The following FDFT1 variants were observed in gnomAD, a reference collection of about 807,000 sequenced individuals.
The protein encoded by FDFT1 is squalene synthase.
In FDFT1, 68 loss-of-function variants were observed where a neutral mutation model predicts 46.8. The observed-to-expected ratio is 1.45, with a 90% CI of 1.19 to 1.78. FDFT1 has a LOEUF of 1.78. FDFT1 is among the 40% of genes most tolerant of loss of function. The probability of loss-of-function intolerance (pLI) is 0.00; values close to 1 mark genes in which losing one functional copy is unlikely to be tolerated. For synonymous variants in FDFT1, 351 were observed against 185.1 expected (o/e 1.90, Z -7.28); for missense variants, 928 against 524.4 (o/e 1.77, Z -7.52).
upstream of FDFT1, among the ~76,000 whole-genome samples, chr8:11,800,769 A>G (rs550552715): frequency 6.6e-6 from 1 of 152,202 alleles, no homozygotes; most frequent in Non-Finnish European, 1.5e-5. Flanking sequence ...CTTCTAAGAG[A>G]AGTTACTATT....
At chr8:11,835,546 C>CT (rs1433214324) in intron 7 of FDFT1, among the ~76,000 whole-genome samples, 1 of 152,148 alleles carries the variant, frequency 6.6e-6, no homozygotes, top group African/African-American at 2.4e-5. Flanking sequence ...TTGAAGTGCT[C>CT]TTGGAGTTCT....
intron 7 of FDFT1, among the ~76,000 whole-genome samples, chr8:11,833,187 ACT>A (rs1811085969): frequency 6.6e-6 from 1 of 151,822 alleles, no homozygotes; most frequent in African/African-American, 2.4e-5. Context: ...TACCAATGAG[ACT>A]CTCCATTTTG....
At position 11,796,380 on chromosome 8, in the gene FDFT1, CAA is replaced by C. The variant is rs1363776213; in HGVS notation, c.-94+370_-94+371del. Among the ~76,000 whole-genome samples, 7 of 152,228 alleles carry C rather than the reference CAA, an allele frequency of 4.6e-5. No individual in the cohort carries two copies. In the East Asian group the frequency reaches 1.2e-3, roughly 25 times the overall value. On this transcript the variant is annotated intron_variant, in intron 1 of 7. Coordinates refer to the FDFT1 transcript ENST00000538689. ...GGCCACTGTGAGGTGGCGAAACAGA[CAA>C]GAGATTATTAGAATACAGAAAGTTC...
upstream of FDFT1, among the ~76,000 whole-genome samples, chr8:11,797,251 C>T (rs997452555): frequency 6.6e-6 from 1 of 152,244 alleles, no homozygotes; most frequent in East Asian, 1.9e-4. Flanking sequence ...ATTTTGAGTT[C>T]CTTGGACTGC....
At chr8:11,800,991 T>A (rs1806061507), upstream of FDFT1, among the ~76,000 whole-genome samples, 1 of 152,102 alleles carries the variant, frequency 6.6e-6, no homozygotes, top group Non-Finnish European at 1.5e-5. Context: ...AAGTAAATGA[T>A]GTATTAGAAT....
At chr8:11,799,174 A>G (rs1210226548), upstream of FDFT1, among the ~76,000 whole-genome samples, 1 of 152,222 alleles carries the variant, frequency 6.6e-6, no homozygotes, top group African/African-American at 2.4e-5. Flanking sequence ...TCTTTTTAGG[A>G]CAGGAAGGCG....
chr8:11,825,246 T>G (rs889578692), intron 4 of FDFT1, among the ~76,000 whole-genome samples: 2 of 152,104 alleles, frequency 1.3e-5, no homozygotes, highest in Non-Finnish European at 2.9e-5. Flanking sequence ...ATCAAAAAGT[T>G]TATTGTAAAG....
At chr8:11,813,529 C>G (rs545808108) in intron 3 of FDFT1, among the ~76,000 whole-genome samples, 4 of 152,264 alleles carry the variant, frequency 2.6e-5, no homozygotes, top group African/African-American at 9.6e-5. Flanking sequence ...CCTAGGATTA[C>G]CCGTGAAGTT....
intron 3 of FDFT1, among the ~76,000 whole-genome samples, chr8:11,815,869 G>C (rs1474351281): frequency 6.6e-6 from 1 of 152,064 alleles, no homozygotes; most frequent in Admixed American, 6.6e-5. Context: ...CTCTTTAGTT[G>C]AATTAGATCC....
chr8:11,838,011 C>G (rs1040250530), intron 7 of FDFT1, among the ~76,000 whole-genome samples: 5 of 152,178 alleles, frequency 3.3e-5, no homozygotes, highest in Admixed American at 6.5e-5. Context: ...CCCAGTCTTT[C>G]CAGCATTTCC....
At chr8:11,811,060 GAGA>G (rs1807650212) in intron 3 of FDFT1, among the ~76,000 whole-genome samples, 1 of 151,820 alleles carries the variant, frequency 6.6e-6, no homozygotes, top group South Asian at 2.1e-4. Flanking sequence ...TAATACAAAT[GAGA>G]AGAAAATAGC....
At chr8:11,806,758 C>G (rs1490695575) in intron 1 of FDFT1, among the ~76,000 whole-genome samples, 2 of 152,088 alleles carry the variant, frequency 1.3e-5, no homozygotes, top group African/African-American at 4.8e-5. Flanking sequence ...CTGTTTCTTT[C>G]ACTCTGAAAT....
upstream of FDFT1, among the ~76,000 whole-genome samples, chr8:11,797,522 C>G (rs556927851): frequency 4.9e-5 from 2 of 40,924 alleles, no homozygotes; most frequent in Non-Finnish European, 5.5e-5. Context: ...ATGTTTGTTG[C>G]ATTTAAAGAA....
upstream of FDFT1, chr8:11,802,657 T>C: frequency 3.3e-6 from 2 of 609,894 alleles, no homozygotes; most frequent in East Asian, 5.6e-5. Context: ...CTAGCCCCGC[T>C]GGCGGCCGAG....
chr8:11,805,332 A>T (rs567358133), intron 1 of FDFT1, among the ~76,000 whole-genome samples: 17 of 152,344 alleles, frequency 1.1e-4, no homozygotes, highest in African/African-American at 3.8e-4. Context: ...CTTGATTTAC[A>T]CTGAATTTTT....
chr8:11,836,042 A>G (rs1281673371), intron 7 of FDFT1, among the ~76,000 whole-genome samples: 1 of 148,222 alleles, frequency 6.7e-6, no homozygotes, highest in African/African-American at 2.5e-5. Context: ...AATCCCACCT[A>G]CTTGGGAGGC....
chr8:11,833,454 G>A (rs1811135073), intron 7 of FDFT1, among the ~76,000 whole-genome samples: 1 of 152,194 alleles, frequency 6.6e-6, no homozygotes, highest in African/African-American at 2.4e-5. Context: ...TATGTAGTAA[G>A]TAGTTGAGAG....
chr8:11,819,918 G>A (rs1585933129), intron 3 of FDFT1, among the ~76,000 whole-genome samples: 1 of 152,186 alleles, frequency 6.6e-6, no homozygotes, highest in African/African-American at 2.4e-5. Flanking sequence ...CTTTGGAGGA[G>A]AAGAGGCGTT....
intron 3 of FDFT1, among the ~76,000 whole-genome samples, chr8:11,820,040 C>G (rs1809003952): frequency 6.6e-6 from 1 of 152,080 alleles, no homozygotes; most frequent in Non-Finnish European, 1.5e-5. Flanking sequence ...GTGTGGGTGT[C>G]CTTTTTGTTG....
Sources: allele counts gnomAD v4.1 joint callset (sites outside exome capture counted in the v4.1 genomes callset), GRCh38; gene constraint gnomAD v4.1.1; transcripts MANE v1.5; gene names NCBI Gene and HGNC (gene_info 2026-07-23, HGNC 2026-07-21).